The following CASK variants were observed in gnomAD, a reference collection of about 807,000 sequenced individuals.
CASK encodes the protein calcium/calmodulin dependent serine protein kinase.
CASK carries 4 observed loss-of-function variants against 82.9 expected under a neutral mutation model. That is an observed-to-expected ratio of 0.05 (90% confidence interval 0.02 to 0.11). The LOEUF is 0.11. CASK is among the 10% of genes least tolerant of loss of function. CASK has a pLI of 1.00. For synonymous variants in CASK, 259 were observed against 253.5 expected (o/e 1.02, Z -0.20); for missense variants, 358 against 720.9 (o/e 0.50, Z 5.76).
chrX:41,598,520 T>C (rs2065854566), intron 12 of CASK, among the ~76,000 whole-genome samples: 1 of 110,225 alleles, frequency 9.1e-6, no homozygotes, highest in Admixed American at 9.7e-5. Context: ...CCCGGCTAAT[T>C]TTTGTATTTT....
rs779915420 is a variant in CASK, at chrX:41,588,791, G to C, written c.1233+724C>G. Among the ~76,000 whole-genome samples the C allele has an allele frequency of 2.8e-5, 3 of 108,899 alleles. No homozygotes were observed. The South Asian group carries it at 1.2e-3, about 42-fold the overall frequency. 94.6% of individuals were successfully genotyped at this position (108,899 alleles called of 115,157 possible). On this transcript the variant is annotated intron_variant, in intron 13 of 26. Transcript: ENST00000378163. The stretch of plus-strand genomic sequence containing the variant: ...CTAACAATGGGAGAATTGCTAATAT[G>C]TTATACTTTAATAACAGCAAAGAAA...
chrX:41,853,068 G>A (rs777200242), intron 2 of CASK, 47 bp downstream of exon 2: 1 of 881,796 alleles, frequency 1.1e-6, no homozygotes, highest in Admixed American at 2.2e-5. Flanking sequence ...TTTTGGAGAT[G>A]GAATAAAGCC....
intron 1 of CASK, among the ~76,000 whole-genome samples, chrX:41,905,227 A>C (rs1012093616): frequency 8.9e-6 from 1 of 112,264 alleles, no homozygotes; most frequent in Admixed American, 9.4e-5. Context: ...GTAAATATAC[A>C]TTTTTAATTC....
intron 22 of CASK, among the ~76,000 whole-genome samples, chrX:41,541,882 A>AGTT (rs1249186870): frequency 9.0e-6 from 1 of 111,523 alleles, no homozygotes; most frequent in Non-Finnish European, 1.9e-5. Context: ...TTATAAAAGG[A>AGTT]GTTGTATTAA....
At chrX:41,861,915 T>TATA (rs2071495159) in intron 1 of CASK, among the ~76,000 whole-genome samples, 10 of 102,588 alleles carry the variant, frequency 9.7e-5, no homozygotes, top group Non-Finnish European at 1.8e-4. Flanking sequence ...TATATATACA[T>TATA]TATATGTATA....
chrX:41,696,269 C>A, intron 5 of CASK: 1 of 1,195,368 alleles, frequency 8.4e-7, no homozygotes, highest in South Asian at 1.8e-5. Context: ...ATAAGCATAA[C>A]GCAAAAGGAG....
chrX:41,656,842 C>T (rs1430701456), intron 8 of CASK, among the ~76,000 whole-genome samples: 1 of 111,331 alleles, frequency 9.0e-6, no homozygotes, highest in Non-Finnish European at 1.9e-5. Flanking sequence ...TCTAAACTCC[C>T]CCTGCCCCTC....
intron 11 of CASK, among the ~76,000 whole-genome samples, chrX:41,613,134 C>T (rs1387271154): frequency 1.4e-4 from 16 of 112,176 alleles, no homozygotes; most frequent in Non-Finnish European, 2.6e-4. Flanking sequence ...GGAGGTGTAC[C>T]CAACAGCTCA....
At chrX:41,807,007 C>A (rs183162578) in intron 2 of CASK, among the ~76,000 whole-genome samples, 47 of 111,463 alleles carry the variant, frequency 4.2e-4, no homozygotes, top group African/African-American at 1.5e-3. Context: ...CAATAAAAAA[C>A]CCCCAAAAAT....
chrX:41,521,800 G>A (rs2064641450), intron 26 of CASK, among the ~76,000 whole-genome samples: 1 of 111,948 alleles, frequency 8.9e-6, no homozygotes, highest in African/African-American at 3.2e-5. Flanking sequence ...TATTTGATTA[G>A]TGGCTATGTC....
chrX:41,846,612 T>C (rs867232620), intron 2 of CASK, among the ~76,000 whole-genome samples: 4 of 111,960 alleles, frequency 3.6e-5, no homozygotes, highest in Non-Finnish European at 5.6e-5. Context: ...AACTGGATTG[T>C]TTGTAACACA....
chrX:41,559,614 G>T, intron 18 of CASK, 165 bp downstream of exon 18: 1 of 511,961 alleles, frequency 2.0e-6, no homozygotes, highest in Non-Finnish European at 3.5e-6. Flanking sequence ...GGCTGAGTAG[G>T]TGGATGGGAC....
At chrX:41,806,769 A>C (rs887931118) in intron 2 of CASK, among the ~76,000 whole-genome samples, 6 of 112,167 alleles carry the variant, frequency 5.3e-5, no homozygotes, top group Non-Finnish European at 1.1e-4. Flanking sequence ...TTATCCAAGG[A>C]AGAGGGAAAT....
At chrX:41,677,061 C>G (rs1287503273) in intron 5 of CASK, among the ~76,000 whole-genome samples, 1 of 108,456 alleles carries the variant, frequency 9.2e-6, no homozygotes, top group Non-Finnish European at 1.9e-5. Context: ...AATCCTAGCA[C>G]TTTGGGGAGC....
chrX:41,672,600 T>C (rs2067211344), intron 5 of CASK, among the ~76,000 whole-genome samples: 1 of 112,000 alleles, frequency 8.9e-6, no homozygotes, highest in African/African-American at 3.2e-5. Context: ...GGTGCAATCA[T>C]ACTGAGCTGG....
At position 41,614,270 on chromosome X, in the gene CASK, C is replaced by G. The variant is rs746827899; in HGVS notation, c.1034-4245G>C. ...CTGTTCTCCATTTCTACAATTTTGT[C>G]ATTTTGATAATAAATGAGGCTCCTA... On this transcript the variant is annotated intron_variant, in intron 11 of 26. Transcript: ENST00000378163. Among the ~76,000 whole-genome samples the G allele has an allele frequency of 1.9e-3, 217 of 112,135 alleles. 2 individuals are homozygous for G. Among genetic ancestry groups the G allele is most frequent in the Non-Finnish European group, 2.6e-3 (138 of 53,276 alleles).
chrX:41,587,022 A>G, intron 13 of CASK, 35 bp from the exon 14 acceptor site: 1 of 774,228 alleles, frequency 1.3e-6, no homozygotes. Context: ...TAATACAAAC[A>G]TGACACAAGA....
At chrX:41,857,694 T>C (rs2071397886) in intron 1 of CASK, among the ~76,000 whole-genome samples, 1 of 111,859 alleles carries the variant, frequency 8.9e-6, no homozygotes, top group South Asian at 3.7e-4. Context: ...ATTAAGGGAA[T>C]AATCCAAGAA....
At chrX:41,644,584 A>G (rs570411077) in intron 8 of CASK, among the ~76,000 whole-genome samples, 1 of 112,370 alleles carries the variant, frequency 8.9e-6, no homozygotes, top group East Asian at 2.8e-4. Context: ...AAAGAACAGG[A>G]TAACAGCAAT....
Sources: allele counts gnomAD v4.1 joint callset (sites outside exome capture counted in the v4.1 genomes callset), GRCh38; gene constraint gnomAD v4.1.1; transcripts MANE v1.5; gene names NCBI Gene and HGNC (gene_info 2026-07-23, HGNC 2026-07-21).